Variants in IL1RAPL1 observed in about 807,000 individuals in gnomAD.
IL1RAPL1 encodes interleukin 1 receptor accessory protein like 1, also known as interleukin-1 receptor accessory protein-like 1.
A neutral mutation model predicts 48.4 loss-of-function variants in IL1RAPL1; 3 were observed. The ratio of observed to expected loss-of-function variants is 0.06; its 90% confidence interval spans 0.03 to 0.16. IL1RAPL1 has a LOEUF of 0.16. IL1RAPL1 is among the 10% of genes least tolerant of loss of function. IL1RAPL1 has a pLI of 1.00. For synonymous variants in IL1RAPL1, 185 were observed against 187.7 expected (o/e 0.99, Z 0.12); for missense variants, 349 against 530.6 (o/e 0.66, Z 3.36).
intron 3 of IL1RAPL1, among the ~76,000 whole-genome samples, chrX:29,366,814 G>A (rs1382003289): frequency 9.1e-6 from 1 of 110,298 alleles, no homozygotes; most frequent in Non-Finnish European, 1.9e-5. Flanking sequence ...TGATCCGCCC[G>A]CCTCGGCCTC....
chrX:29,383,329 C>A (rs1933734908), intron 3 of IL1RAPL1, among the ~76,000 whole-genome samples: 2 of 111,932 alleles, frequency 1.8e-5, no homozygotes, highest in Admixed American at 9.5e-5. Flanking sequence ...ACACAACTTG[C>A]AAATAAATTC....
intron 5 of IL1RAPL1, among the ~76,000 whole-genome samples, chrX:29,556,647 CAAA>C (rs11342018): frequency 1.8e-4 from 10 of 54,089 alleles, no homozygotes; most frequent in Admixed American, 4.6e-4. Flanking sequence ...GACTCTGCCT[CAAA>C]AAAAAAAAAA....
chrX:29,092,705 T>G (rs1411266696), intron 2 of IL1RAPL1, among the ~76,000 whole-genome samples: 1 of 112,017 alleles, frequency 8.9e-6, no homozygotes, highest in Non-Finnish European at 1.9e-5. Context: ...AAAATATATG[T>G]CATCAGTCAG....
At chrX:28,768,703 T>G (rs6526801) in intron 1 of IL1RAPL1, among the ~76,000 whole-genome samples, 1 of 58,842 alleles carries the variant, frequency 1.7e-5, no homozygotes, top group Non-Finnish European at 3.1e-5. Context: ...CTCTCTCTGT[T>G]TCTCTCTCTC....
At chrX:29,500,823 A>G (rs1473571859) in intron 5 of IL1RAPL1, among the ~76,000 whole-genome samples, 2 of 109,940 alleles carry the variant, frequency 1.8e-5, no homozygotes, top group Non-Finnish European at 3.8e-5. Flanking sequence ...TTTCTTTTGG[A>G]TATATACCCA....
intron 2 of IL1RAPL1, among the ~76,000 whole-genome samples, chrX:29,249,333 A>G (rs1931567997): frequency 8.9e-6 from 1 of 112,223 alleles, no homozygotes; most frequent in African/African-American, 3.2e-5. Flanking sequence ...TTAACTGTGC[A>G]TTGAGCTAGA....
chrX:29,039,851 G>T (rs190639306), intron 2 of IL1RAPL1, among the ~76,000 whole-genome samples: 211 of 102,419 alleles, frequency 2.1e-3, no homozygotes, highest in Non-Finnish European at 3.5e-3. Flanking sequence ...ACCAAATCAA[G>T]ATATTAAAGT....
intron 2 of IL1RAPL1, among the ~76,000 whole-genome samples, chrX:28,936,714 C>T (rs900725023): frequency 9.0e-6 from 1 of 110,760 alleles, no homozygotes; most frequent in Non-Finnish European, 1.9e-5. Flanking sequence ...TGGGTGATAA[C>T]ACTTCCATGA....
chrX:29,719,772 G>A (rs1185079272), intron 6 of IL1RAPL1, among the ~76,000 whole-genome samples: 6 of 99,010 alleles, frequency 6.1e-5, no homozygotes, highest in Admixed American at 1.1e-4. Context: ...AAAAAAATGT[G>A]ACCTCACAAA....
intron 2 of IL1RAPL1, among the ~76,000 whole-genome samples, chrX:29,252,919 T>G (rs757930598): frequency 9.0e-5 from 10 of 111,366 alleles, no homozygotes; most frequent in African/African-American, 2.9e-4. Flanking sequence ...AGTTTCTTAT[T>G]GATCTGGTAA....
intron 5 of IL1RAPL1, among the ~76,000 whole-genome samples, chrX:29,641,179 C>T (rs1335212661): frequency 7.9e-5 from 6 of 75,681 alleles, no homozygotes; most frequent in African/African-American, 4.4e-4. Context: ...TCAAAATAAA[C>T]AAACAAACAA....
intron 5 of IL1RAPL1, among the ~76,000 whole-genome samples, chrX:29,514,809 A>G (rs187466351): frequency 1.8e-5 from 2 of 112,855 alleles, no homozygotes; most frequent in African/African-American, 6.4e-5. Context: ...TATAAGCACA[A>G]TCTGATTAAA....
intron 2 of IL1RAPL1, among the ~76,000 whole-genome samples, chrX:28,838,903 A>G (rs1472168519): frequency 9.0e-6 from 1 of 111,183 alleles, no homozygotes; most frequent in Non-Finnish European, 1.9e-5. Flanking sequence ...ACACTGAAAT[A>G]CGCACATTAA....
At chrX:28,626,439 A>C (rs192937410) in intron 1 of IL1RAPL1, among the ~76,000 whole-genome samples, 21 of 111,940 alleles carry the variant, frequency 1.9e-4, no homozygotes, top group East Asian at 1.1e-3. Context: ...GATACAGCTA[A>C]AGCCTCCCTC....
intron 6 of IL1RAPL1, among the ~76,000 whole-genome samples, chrX:29,744,195 G>A (rs1467849993): frequency 7.2e-5 from 8 of 111,847 alleles, no homozygotes; most frequent in Non-Finnish European, 1.1e-4. Context: ...CTTCTTGTAC[G>A]TTTTCTATCG....
At chrX:29,134,210 C>T (rs1199645891) in intron 2 of IL1RAPL1, among the ~76,000 whole-genome samples, 1 of 111,282 alleles carries the variant, frequency 9.0e-6, no homozygotes, top group Non-Finnish European at 1.9e-5. Context: ...TAAATAAATA[C>T]TTTGGAGTGT....
rs146879986 is a variant in IL1RAPL1 at position 29,357,717 on chromosome X, C to T, written c.363-38541C>T. ...GGGGAAAGACACGATACCTTTCCTCCGTGTCATAAGGTTCTTGGCTGACAC... is the reference window on the plus strand; with the variant it reads ...GGGGAAAGACACGATACCTTTCCTCTGTGTCATAAGGTTCTTGGCTGACAC... On this transcript the variant is annotated intron_variant, in intron 3 of 10. Coordinates refer to ENST00000378993, the MANE Select transcript of IL1RAPL1 (RefSeq NM_014271.4). Among the ~76,000 whole-genome samples the T allele has an allele frequency of 9.6e-4, 108 of 112,015 alleles. 2 individuals are homozygous for T. The Middle Eastern group carries it at 0.046, about 48-fold the overall frequency.
chrX:28,817,298 C>G (rs1936881420), intron 2 of IL1RAPL1, among the ~76,000 whole-genome samples: 1 of 110,994 alleles, frequency 9.0e-6, no homozygotes, highest in African/African-American at 3.3e-5. Context: ...TCTACCATTT[C>G]TAAGACCTCA....
intron 8 of IL1RAPL1, among the ~76,000 whole-genome samples, chrX:29,921,331 C>A (rs1296865657): frequency 8.9e-6 from 1 of 112,193 alleles, no homozygotes; most frequent in Non-Finnish European, 1.9e-5. Flanking sequence ...ATCCTAGACT[C>A]TTTGAGGTTT....
Sources: gnomAD v4.1 joint callset for allele counts (sites outside exome capture counted in the v4.1 genomes callset) on GRCh38, gnomAD v4.1.1 for gene constraint, MANE v1.5 for transcripts, NCBI Gene and HGNC (gene_info 2026-07-23, HGNC 2026-07-21) for gene names.